The following SYT9 variants were observed in gnomAD, a reference collection of about 807,000 sequenced individuals.
The protein encoded by SYT9 is synaptotagmin 9, also known as synaptotagmin-9.
SYT9 carries 22 observed loss-of-function variants against 48.4 expected under a neutral mutation model. The observed-to-expected ratio is 0.45, with a 90% CI of 0.32 to 0.65. The LOEUF (loss-of-function observed/expected upper bound fraction) is 0.65. Among genes scored for constraint, SYT9 ranks in the 30% least tolerant of loss-of-function variants. The pLI is 0.03. For missense variants in SYT9, 577 were observed against 622.0 expected (o/e 0.93, Z 0.77); for synonymous variants, 265 against 245.0 (o/e 1.08, Z -0.76).
upstream of SYT9, among the ~76,000 whole-genome samples, chr11:7,249,413 G>A (rs1847831845): frequency 6.6e-6 from 1 of 152,190 alleles, no homozygotes; most frequent in Non-Finnish European, 1.5e-5. Flanking sequence ...GATGGGAAGA[G>A]TGGTAAAATC....
chr11:7,409,111 G>T (rs1400332979), intron 3 of SYT9, among the ~76,000 whole-genome samples: 1 of 152,156 alleles, frequency 6.6e-6, no homozygotes, highest in East Asian at 1.9e-4. Context: ...TTATCATGAA[G>T]GGATGGTGTA....
chr11:7,353,962 T>A (rs992224626), intron 3 of SYT9, among the ~76,000 whole-genome samples: 1 of 152,214 alleles, frequency 6.6e-6, no homozygotes, highest in African/African-American at 2.4e-5. Context: ...TGAACTATCT[T>A]GATTGTAATG....
intron 6 of SYT9, among the ~76,000 whole-genome samples, chr11:7,434,470 G>A (rs913097404): frequency 6.6e-6 from 1 of 152,146 alleles, no homozygotes; most frequent in Non-Finnish European, 1.5e-5. Context: ...TAAGATCAAG[G>A]TAGGATCCTG....
intron 1 of SYT9, among the ~76,000 whole-genome samples, chr11:7,259,203 T>C (rs1036110477): frequency 6.6e-6 from 1 of 152,178 alleles, no homozygotes; most frequent in African/African-American, 2.4e-5. Flanking sequence ...ACCTGGTATA[T>C]GCTCATAGTA....
rs1383274431 is a variant in SYT9 at position 7,367,937 on chromosome 11, T to C, written c.1045-48105T>C. On this transcript the variant is annotated intron_variant, in intron 3 of 6. Coordinates refer to ENST00000318881, the MANE Select transcript of SYT9 (RefSeq NM_175733.4). ...CTAAGAGCCTTGTATATGATCTCCT[T>C]TATTCATCACAAAAACCCCATGAGG... 2.6e-5 allele frequency among the ~76,000 whole-genome samples: 4 copies of C among 152,222 alleles called. No individual in the cohort carries two copies. The East Asian group carries it at 5.8e-4, about 22-fold the overall frequency.
intron 1 of SYT9, among the ~76,000 whole-genome samples, chr11:7,246,256 C>G (rs1478831483): frequency 6.6e-6 from 1 of 152,128 alleles, no homozygotes; most frequent in Non-Finnish European, 1.5e-5. Context: ...TCCCTTACCC[C>G]CATGTGCTGT....
chr11:7,276,539 G>A (rs2133895084), intron 1 of SYT9, among the ~76,000 whole-genome samples: 1 of 152,126 alleles, frequency 6.6e-6, no homozygotes, highest in East Asian at 1.9e-4. Context: ...GTGGAATAAG[G>A]TGCACCCCTT....
At chr11:7,336,525 A>G (rs1233593957) in intron 3 of SYT9, among the ~76,000 whole-genome samples, 1 of 152,158 alleles carries the variant, frequency 6.6e-6, no homozygotes, top group African/African-American at 2.4e-5. Context: ...TATATGGTGT[A>G]AGGAAGGGGT....
At chr11:7,343,710 C>T (rs758089897) in intron 3 of SYT9, among the ~76,000 whole-genome samples, 14 of 152,242 alleles carry the variant, frequency 9.2e-5, no homozygotes, top group Non-Finnish European at 1.9e-4. Flanking sequence ...CAGCAGTGCC[C>T]CACTCCCAGT....
intron 3 of SYT9, among the ~76,000 whole-genome samples, chr11:7,404,571 G>T (rs572134059): frequency 6.6e-6 from 1 of 152,018 alleles, no homozygotes; most frequent in Non-Finnish European, 1.5e-5. Context: ...TATAGTATAA[G>T]AAACTTACAA....
intron 1 of SYT9, among the ~76,000 whole-genome samples, chr11:7,240,876 ACTTGATGGGTTTTC>A (rs1376481913): frequency 1.3e-5 from 2 of 152,100 alleles, no homozygotes; most frequent in Non-Finnish European, 2.9e-5. Context: ...CATTATCTAA[ACTTGATGGGTTTTC>A]CTTCCTTTCA....
In SYT9 at chr11:7,360,416, G is replaced by A. The variant is rs549690917; in HGVS notation, c.1044+46475G>A. Reference sequence around the variant, plus strand: ...AGTCATTGGTAGCTTGATGGGGATGGCATTGAATGTATAAATTACCTTGGG... The same window carrying A: ...AGTCATTGGTAGCTTGATGGGGATGACATTGAATGTATAAATTACCTTGGG... On this transcript the variant is annotated intron_variant, in intron 3 of 6. Transcript: ENST00000318881. Among the ~76,000 whole-genome samples, 34 of 152,266 alleles carry A rather than the reference G, an allele frequency of 2.2e-4. No homozygotes were observed. In the South Asian group the frequency reaches 6.6e-3, roughly 30 times the overall value.
At chr11:7,407,506 C>A (rs1461402496) in intron 3 of SYT9, among the ~76,000 whole-genome samples, 1 of 99,968 alleles carries the variant, frequency 1.0e-5, no homozygotes, top group East Asian at 2.2e-4. Context: ...TCAGCCTCCC[C>A]AGTAGCTGGG....
chr11:7,385,383 T>G (rs1850639509), intron 3 of SYT9, among the ~76,000 whole-genome samples: 1 of 151,828 alleles, frequency 6.6e-6, no homozygotes, highest in South Asian at 2.1e-4. Context: ...TGTGTGTCCA[T>G]GCAGCTAATT....
At chr11:7,328,969 C>G (rs1391295142) in intron 3 of SYT9, among the ~76,000 whole-genome samples, 1 of 152,156 alleles carries the variant, frequency 6.6e-6, no homozygotes, top group Non-Finnish European at 1.5e-5. Flanking sequence ...ACTCTTTTCT[C>G]TGTGCCATAC....
chr11:7,432,585 ATATATACATATATATATAT>A (rs1847623331), intron 6 of SYT9, among the ~76,000 whole-genome samples: 9 of 2,650 alleles, frequency 3.4e-3, no homozygotes, highest in South Asian at 0.021. Context: ...AAAAAAAAAT[ATATATACATATATATATAT>A]ATATATATAT....
At chr11:7,462,507 T>C (rs1025068039) in intron 6 of SYT9, among the ~76,000 whole-genome samples, 4 of 152,216 alleles carry the variant, frequency 2.6e-5, no homozygotes, top group African/African-American at 9.6e-5. Flanking sequence ...ATGTCCTCTT[T>C]ACAGAAAGAA....
chr11:7,457,795 C>G (rs1358998390), intron 6 of SYT9: 1 of 152,166 alleles, frequency 6.6e-6, no homozygotes, highest in Non-Finnish European at 1.5e-5. Context: ...AAGAGACTTA[C>G]CTTAGTTTAA....
intron 1 of SYT9, among the ~76,000 whole-genome samples, chr11:7,242,722 A>G (rs1189334708): frequency 3.3e-5 from 5 of 152,152 alleles, no homozygotes; most frequent in Non-Finnish European, 2.9e-5. Context: ...TGGGAAAAAA[A>G]GGTCAAGAAA....
Sources: allele counts gnomAD v4.1 joint callset (sites outside exome capture counted in the v4.1 genomes callset), GRCh38; gene constraint gnomAD v4.1.1; transcripts MANE v1.5; gene names NCBI Gene and HGNC (gene_info 2026-07-23, HGNC 2026-07-21).